MYPN: variants seen among roughly 807,000 people sequenced by gnomAD.
MYPN encodes the protein sarcomeric protein myopalladin, 145 kDa (MYOP).
MYPN carries 63 observed loss-of-function variants against 129.4 expected under a neutral mutation model. The ratio of observed to expected loss-of-function variants is 0.49; its 90% confidence interval spans 0.40 to 0.60. The LOEUF is 0.60. Ranked by LOEUF, MYPN falls within the 20% of genes least tolerant of loss-of-function variation. The pLI is 0.00. For synonymous variants in MYPN, 629 were observed against 600.9 expected, an observed-to-expected ratio of 1.05 and a Z score of -0.68; for missense variants, 1,596 against 1,635.4, an observed-to-expected ratio of 0.98 and a Z score of 0.42.
At chr10:68,124,728 G>C (rs1208155768) in intron 2 of MYPN, among the ~76,000 whole-genome samples, 1 of 152,160 alleles carries the variant, frequency 6.6e-6, no homozygotes, top group Non-Finnish European at 1.5e-5. Context: ...GAATGAGCTA[G>C]TGGATAAAGA....
rs569550452 is a variant in MYPN, at chr10:68,115,571, T to C, written c.-2+5848T>C. On this transcript the variant is annotated intron_variant, in intron 1 of 19. Transcript: ENST00000358913. ...AGCCACCATCATCCCTTGTGTAGCA[T>C]GTTGCAATTGCCTCCTAACTGATCT... Among the ~76,000 whole-genome samples, 4 of 152,348 alleles carry C rather than the reference T, an allele frequency of 2.6e-5. No homozygotes were observed. The East Asian group carries it at 7.7e-4, about 29-fold the overall frequency.
intron 1 of MYPN, among the ~76,000 whole-genome samples, chr10:68,113,737 G>GT (rs1044345640): frequency 6.6e-6 from 1 of 150,544 alleles, no homozygotes; most frequent in Non-Finnish European, 1.5e-5. Context: ...TAATAAATTC[G>GT]TTTTTTTCAG....
At chr10:68,105,380 T>C (rs1732568606), upstream of MYPN, among the ~76,000 whole-genome samples, 1 of 152,226 alleles carries the variant, frequency 6.6e-6, no homozygotes, top group Admixed American at 6.5e-5. Flanking sequence ...TGTTAACTTA[T>C]TACTACCAAG....
At chr10:68,193,470 G>A (rs2043549144) in intron 13 of MYPN, among the ~76,000 whole-genome samples, 1 of 152,100 alleles carries the variant, frequency 6.6e-6, no homozygotes, top group Non-Finnish European at 1.5e-5. Context: ...AATATCCACA[G>A]GGTACCTGTT....
At chr10:68,178,513 A>G (rs922113728) in intron 12 of MYPN, among the ~76,000 whole-genome samples, 14 of 151,970 alleles carry the variant, frequency 9.2e-5, no homozygotes, top group African/African-American at 3.4e-4. Context: ...TCAGGAATTC[A>G]AGACCAGCCT....
Position 68,109,671 on chromosome 10 carries a change from C to T in MYPN, c.-54C>T. 1 of 454,050 alleles carries T rather than the reference C, an allele frequency of 2.2e-6. No individual in the cohort carries two copies. Among genetic ancestry groups the T allele is most frequent in the Non-Finnish European group, 4.4e-6 (1 of 226,780 alleles). 28.1% of individuals were successfully genotyped at this position (454,050 alleles called of 1,614,324 possible). ...AGTTCTCCCTGGATAATTATCATTGCAGTGGAGTGCCTGGATTGGACATCC... is the reference window on the plus strand; with the variant it reads ...AGTTCTCCCTGGATAATTATCATTGTAGTGGAGTGCCTGGATTGGACATCC... On this transcript the variant is annotated 5_prime_UTR_variant, in exon 1 of 20. Coordinates refer to ENST00000358913, the MANE Select transcript of MYPN (RefSeq NM_032578.4).
chr10:68,145,094 G>T (rs566497736), intron 3 of MYPN, among the ~76,000 whole-genome samples: 2 of 150,816 alleles, frequency 1.3e-5, no homozygotes, highest in Non-Finnish European at 2.9e-5. Flanking sequence ...GCGTGATCTC[G>T]GCTCACAGCA....
At chr10:68,195,922 C>T (rs2043597475) in intron 15 of MYPN, among the ~76,000 whole-genome samples, 1 of 152,134 alleles carries the variant, frequency 6.6e-6, no homozygotes, top group African/African-American at 2.4e-5. Flanking sequence ...CCCACCTCAG[C>T]CTCCCAAGTA....
At chr10:68,097,044 T>C (rs923843707) in intron 1 of MYPN, among the ~76,000 whole-genome samples, 3 of 152,244 alleles carry the variant, frequency 2.0e-5, no homozygotes, top group African/African-American at 7.2e-5. Flanking sequence ...GATCAAATTA[T>C]AATTTAAATC....
intron 7 of MYPN, among the ~76,000 whole-genome samples, chr10:68,161,367 AT>A (rs2042971773): frequency 6.6e-6 from 1 of 152,114 alleles, no homozygotes; most frequent in Non-Finnish European, 1.5e-5. Flanking sequence ...ATGGTGGCAC[AT>A]GCCTATAATT....
At chr10:68,133,289 T>G (rs2042438234) in intron 2 of MYPN, among the ~76,000 whole-genome samples, 1 of 152,088 alleles carries the variant, frequency 6.6e-6, no homozygotes, top group South Asian at 2.1e-4. Flanking sequence ...CCTCCCAAAG[T>G]GCTGGGGTTA....
chr10:68,194,483 A>G lies in MYPN; in HGVS notation c.3046A>G (p.Asn1016Asp). Residue 1016 changes from asparagine (N) to aspartate (D), a missense_variant, in exon 14 of 20, where the codon AAC (asparagine) becomes GAC (aspartate). By Grantham distance (23) the Asn-to-Asp change is conservative. Coordinates refer to ENST00000358913, the MANE Select transcript of MYPN (RefSeq NM_032578.4). ...IESTTSDDDG[N>D]YTIMAANPQG... ...ATCCACTACCAGTGATGACGATGGC[A>G]ACTACACCATCATGGCAGCCAACCC... 1.2e-6 allele frequency: 2 copies of G among 1,613,906 alleles called. No individual in the cohort carries two copies. Among genetic ancestry groups the G allele is most frequent in the Non-Finnish European group, 1.7e-6 (2 of 1,179,886 alleles).
At chr10:68,103,637 G>A (rs2041992379), upstream of MYPN, among the ~76,000 whole-genome samples, 1 of 152,144 alleles carries the variant, frequency 6.6e-6, no homozygotes, top group East Asian at 1.9e-4. Flanking sequence ...ATTGAAAAGA[G>A]AGTGAGTTCT....
rs77248736 is a variant in MYPN, at chr10:68,211,995, A to G, written c.*1540A>G. On this transcript the variant is annotated 3_prime_UTR_variant, in exon 20 of 20. Transcript: ENST00000358913. ...TCAAGGCAAGGATTTCCAGCATAAA[A>G]ATAAATTCATTCACTGGAGAAATCA... The G allele has an allele frequency of 8.9e-4, 317 of 357,996 alleles. 9 individuals carry two copies. The East Asian group carries it at 0.014, about 16-fold the overall frequency. 22.2% of individuals were successfully genotyped at this position (357,996 alleles called of 1,614,324 possible).
Position 68,121,602 on chromosome 10 carries a change from G to A in MYPN, c.164G>A (p.Gly55Glu). 2 of 1,614,244 alleles carry A rather than the reference G, an allele frequency of 1.2e-6. No homozygotes were observed. The highest frequency in any genetic ancestry group is 1.7e-6 in the Non-Finnish European group (2 of 1,180,056). ...CCTTCTGGGGCCGCTGAAGGAGGCG[G>A]AGGCCAAGATGACCTTCCAGATCTT... The part of the protein sequence containing the change: ...GSPSGAAEGG[G>E]GQDDLPDLSA... The change falls in exon 2 of 20, where the codon GGA becomes GAA. Residue 55 changes from glycine to glutamate, a missense_variant. Physicochemically the swap from Gly to Glu is moderately conservative, Grantham distance 98. Coordinates refer to ENST00000358913, the MANE Select transcript of MYPN (RefSeq NM_032578.4).
intron 2 of MYPN, among the ~76,000 whole-genome samples, chr10:68,137,593 T>C (rs138520442): frequency 8.5e-4 from 129 of 152,322 alleles, no homozygotes; most frequent in African/African-American, 3.0e-3. Flanking sequence ...TGATACATTT[T>C]ATTATATAAT....
In MYPN at chr10:68,201,896, C is replaced by G. The variant is rs1386215092; in HGVS notation, c.3561C>G (p.His1187Gln). Residue 1187 changes from histidine (H) to glutamine (Q), a missense_variant, in exon 18 of 20, where the codon CAC becomes CAG. His to Gln is a conservative substitution (Grantham distance 24). Transcript: ENST00000358913. ...AGAACTGCGGTGTTCCCGAAGGCCA[C>G]CCCGTGAGACTGGAGTGCCGCGTGA... ...KLQNCGVPEGHPVRLECRVIG... is the reference protein window; with the variant it reads ...KLQNCGVPEGQPVRLECRVIG... The G allele has an allele frequency of 1.2e-6, 2 of 1,614,150 alleles. No individual in the cohort carries two copies. The highest frequency in any genetic ancestry group is 1.7e-6 in the Non-Finnish European group (2 of 1,180,028).
intron 13 of MYPN, among the ~76,000 whole-genome samples, chr10:68,190,810 T>C (rs1397741530): frequency 1.3e-5 from 2 of 152,246 alleles, no homozygotes; most frequent in Non-Finnish European, 2.9e-5. Flanking sequence ...AGTAGTTTCA[T>C]AGTTTCAGGC....
At chr10:68,158,285 G>A (rs2042915193) in intron 6 of MYPN, 1 of 579,142 alleles carries the variant, frequency 1.7e-6, no homozygotes, top group South Asian at 2.0e-5. Flanking sequence ...GAGTAGCCAC[G>A]CTCGCCTGCT....
Sources: allele counts gnomAD v4.1 joint callset (sites outside exome capture counted in the v4.1 genomes callset), GRCh38; gene constraint gnomAD v4.1.1; transcripts MANE v1.5; gene names NCBI Gene and HGNC (gene_info 2026-07-23, HGNC 2026-07-21).